KYNU: variants seen among roughly 807,000 people sequenced by gnomAD.
The protein encoded by KYNU is kynureninase.
A neutral mutation model predicts 59.2 loss-of-function variants in KYNU; 54 were observed. The observed-to-expected ratio is 0.91, with a 90% CI of 0.73 to 1.14. KYNU has a LOEUF of 1.14. KYNU is among the 50% of genes most tolerant of loss of function. The pLI is 0.00. For synonymous variants in KYNU, 177 were observed against 192.0 expected (o/e 0.92, Z 0.65); for missense variants, 567 against 554.4 (o/e 1.02, Z -0.23).
chr2:142,918,257 T>A (rs1682736030), intron 2 of KYNU, among the ~76,000 whole-genome samples: 1 of 152,200 alleles, frequency 6.6e-6, no homozygotes, highest in Non-Finnish European at 1.5e-5. Flanking sequence ...GTAATCTTCT[T>A]ATACAATTAG....
chr2:143,001,433 A>C (rs1436534655), intron 10 of KYNU, among the ~76,000 whole-genome samples: 5 of 134,238 alleles, frequency 3.7e-5, no homozygotes, highest in Non-Finnish European at 3.3e-5. Context: ...TAAGCCTCCA[A>C]AAAGAAGGAT....
intron 2 of KYNU, among the ~76,000 whole-genome samples, chr2:142,886,328 A>G (rs1451964452): frequency 1.3e-5 from 2 of 152,226 alleles, no homozygotes; most frequent in Non-Finnish European, 1.5e-5. Context: ...CTCAGGAGCC[A>G]TGAAGGTCAG....
At chr2:142,908,836 G>T (rs1285691562) in intron 2 of KYNU, among the ~76,000 whole-genome samples, 1 of 152,034 alleles carries the variant, frequency 6.6e-6, no homozygotes, top group African/African-American at 2.4e-5. Context: ...GGGTTTCACT[G>T]TGTTAGCCAG....
chr2:142,968,452 CT>C (rs2105117780), intron 8 of KYNU, among the ~76,000 whole-genome samples: 1 of 152,272 alleles, frequency 6.6e-6, no homozygotes, highest in South Asian at 2.1e-4. Context: ...AGCCATTTAG[CT>C]TTGCCCTGAA....
intron 4 of KYNU, among the ~76,000 whole-genome samples, chr2:142,950,858 A>C (rs532148943): frequency 6.6e-6 from 1 of 152,284 alleles, no homozygotes; most frequent in African/African-American, 2.4e-5. Flanking sequence ...TTTTGATTTA[A>C]AGTGACAGGC....
intron 4 of KYNU, among the ~76,000 whole-genome samples, chr2:142,941,357 T>G (rs181583837): frequency 6.6e-6 from 1 of 152,238 alleles, no homozygotes; most frequent in African/African-American, 2.4e-5. Context: ...ATAACACACC[T>G]ATGGGACAAA....
chr2:142,973,174 G>GA (rs1256268587), intron 8 of KYNU, among the ~76,000 whole-genome samples: 2 of 150,666 alleles, frequency 1.3e-5, no homozygotes, highest in Admixed American at 1.3e-4. Context: ...AAACATCAAA[G>GA]AAAAAATATA....
chr2:142,960,156 G>A (rs1221291697), intron 7 of KYNU, among the ~76,000 whole-genome samples: 3 of 152,162 alleles, frequency 2.0e-5, no homozygotes, highest in Non-Finnish European at 2.9e-5. Flanking sequence ...CAAAGTGCCA[G>A]GATTACAGGC....
intron 2 of KYNU, among the ~76,000 whole-genome samples, chr2:142,891,966 G>A (rs576673133): frequency 1.9e-4 from 29 of 151,842 alleles, no homozygotes; most frequent in African/African-American, 6.5e-4. Flanking sequence ...AGGCTGGAGT[G>A]TAGTGGTGCA....
At position 143,050,758 on chromosome 2, in the gene KYNU, TTCTTG is replaced by T. The variant is rs1344476162; in HGVS notation, c.*8587_*8591del. 2 of 152,246 alleles carry T rather than the reference TTCTTG, an allele frequency of 1.3e-5. No individual in the cohort carries two copies. Among genetic ancestry groups the T allele is most frequent in the Non-Finnish European group, 2.9e-5 (2 of 68,034 alleles). 9.4% of individuals were successfully genotyped at this position (152,246 alleles called of 1,614,324 possible). Reference sequence around the variant, plus strand: ...TTTATGCTCAATAACTTTCTACTTATTCTTGAGTTCAAAACTATATGGGTTCACAT... The same window carrying T: ...TTTATGCTCAATAACTTTCTACTTATAGTTCAAAACTATATGGGTTCACAT... On this transcript the variant is annotated 3_prime_UTR_variant, in exon 14 of 14. Coordinates refer to ENST00000264170, the MANE Select transcript of KYNU (RefSeq NM_003937.3).
At chr2:142,936,494 A>G (rs1165910182) in intron 4 of KYNU, among the ~76,000 whole-genome samples, 1 of 152,180 alleles carries the variant, frequency 6.6e-6, no homozygotes, top group Non-Finnish European at 1.5e-5. Context: ...ATGGGAGAAC[A>G]GAGAAAAAGG....
Position 142,918,605 on chromosome 2 carries a change from T to G in KYNU, c.170-4T>G. The G allele has an allele frequency of 6.4e-7, 1 of 1,571,994 alleles. No individual in the cohort carries two copies. Among genetic ancestry groups the G allele is most frequent in the Non-Finnish European group, 8.7e-7 (1 of 1,155,998 alleles). On this transcript the variant is annotated splice_region_variant and splice_polypyrimidine_tract_variant and intron_variant, in intron 2 of 13. Transcript: ENST00000264170. Reference sequence around the variant, plus strand: ...TTTTTTTTTTGACATTTCTTCTGTTTCAGTTGATTTATCATTAGTGAATAA... The same window carrying G: ...TTTTTTTTTTGACATTTCTTCTGTTGCAGTTGATTTATCATTAGTGAATAA...
At chr2:142,939,461 G>T (rs1036598548) in intron 4 of KYNU, among the ~76,000 whole-genome samples, 6 of 151,650 alleles carry the variant, frequency 4.0e-5, no homozygotes, top group African/African-American at 1.5e-4. Context: ...AATTAGCCGG[G>T]CATTGTGGCA....
intron 2 of KYNU, among the ~76,000 whole-genome samples, chr2:142,912,122 TG>T (rs1682499221): frequency 6.6e-6 from 1 of 152,110 alleles, no homozygotes; most frequent in African/African-American, 2.4e-5. Flanking sequence ...TCAGCAGTGT[TG>T]GTACCAGCTC....
intron 2 of KYNU, among the ~76,000 whole-genome samples, chr2:142,906,560 C>A (rs1035911790): frequency 6.6e-6 from 1 of 152,064 alleles, no homozygotes. Context: ...CCTAAGGATG[C>A]AGCATAGCGC....
At chr2:142,945,682 A>T (rs565110042) in intron 4 of KYNU, among the ~76,000 whole-genome samples, 3 of 152,158 alleles carry the variant, frequency 2.0e-5, no homozygotes, top group Non-Finnish European at 4.4e-5. Context: ...GCAGAGATCC[A>T]TCAGAGGGAT....
chr2:142,897,609 T>C (rs1681923283), intron 2 of KYNU, among the ~76,000 whole-genome samples: 1 of 152,228 alleles, frequency 6.6e-6, no homozygotes, highest in South Asian at 2.1e-4. Flanking sequence ...CTACTTATAA[T>C]ACAATCAGCA....
chr2:142,996,829 CT>C (rs1241466670), intron 10 of KYNU, among the ~76,000 whole-genome samples: 1 of 152,086 alleles, frequency 6.6e-6, no homozygotes, highest in African/African-American at 2.4e-5. Flanking sequence ...CTTGGTTTGC[CT>C]GTGGAAAAAA....
chr2:142,987,644 C>T (rs1253066798), intron 10 of KYNU, among the ~76,000 whole-genome samples: 1 of 151,852 alleles, frequency 6.6e-6, no homozygotes, highest in Non-Finnish European at 1.5e-5. Flanking sequence ...GGTCTCTGAG[C>T]TGAGGTAGTA....
Sources: allele counts gnomAD v4.1 joint callset (sites outside exome capture counted in the v4.1 genomes callset), GRCh38; gene constraint gnomAD v4.1.1; transcripts MANE v1.5; gene names NCBI Gene and HGNC (gene_info 2026-07-23, HGNC 2026-07-21).